The following SCAF11 variants were observed in gnomAD, a reference collection of about 807,000 sequenced individuals.
SCAF11 encodes the protein SR-related CTD associated factor 11.
In SCAF11, 47 loss-of-function variants were observed where a neutral mutation model predicts 140.5. That is an observed-to-expected ratio of 0.33 (90% CI 0.26 to 0.43). The LOEUF (loss-of-function observed/expected upper bound fraction) is 0.43. Among genes scored for constraint, SCAF11 ranks in the 20% least tolerant of loss-of-function variants. The probability of loss-of-function intolerance (pLI) is 1.00; values close to 1 mark genes in which losing one functional copy is unlikely to be tolerated. For missense variants in SCAF11, 1,645 were observed against 1,705.1 expected, an observed-to-expected ratio of 0.96 and a Z score of 0.62; for synonymous variants, 557 against 579.4, an observed-to-expected ratio of 0.96 and a Z score of 0.55.
chr12:45,983,786 A>ACACACAC (rs1555172663), intron 1 of SCAF11, among the ~76,000 whole-genome samples: 4 of 47,354 alleles, frequency 8.4e-5, no homozygotes, highest in Non-Finnish European at 2.0e-4. Flanking sequence ...CACACACACA[A>ACACACAC]AGACTGAACT....
At chr12:45,955,108 ATAATT>A (rs1945653616) in intron 3 of SCAF11, 1 of 152,144 alleles carries the variant, frequency 6.6e-6, no homozygotes, top group Non-Finnish European at 1.5e-5. Context: ...TTACCTAAAG[ATAATT>A]TAGTTAACAC....
At chr12:45,976,424 A>G (rs1356467038) in intron 1 of SCAF11, among the ~76,000 whole-genome samples, 7 of 152,150 alleles carry the variant, frequency 4.6e-5, no homozygotes, top group Admixed American at 3.9e-4. Flanking sequence ...CACCTAATTT[A>G]TAAGTTAAAC....
At chr12:45,926,000 A>G (rs1944847817) in intron 11 of SCAF11, 142 bp downstream of exon 11, 3 of 759,848 alleles carry the variant, frequency 3.9e-6, no homozygotes, top group Non-Finnish European at 6.1e-6. Context: ...TATTTATATA[A>G]TGCTAAGTGA....
intron 8 of SCAF11, 21 bp from the exon 9 acceptor site, chr12:45,933,253 C>G: frequency 6.5e-7 from 1 of 1,535,952 alleles, no homozygotes; most frequent in Non-Finnish European, 8.9e-7. Context: ...AATTTTAGAC[C>G]TTCATCAGAA....
intron 1 of SCAF11, among the ~76,000 whole-genome samples, chr12:45,982,201 A>G (rs1946364579): frequency 6.6e-6 from 1 of 152,214 alleles, no homozygotes; most frequent in South Asian, 2.1e-4. Context: ...GTAACTGGAC[A>G]TGCACAACAG....
intron 2 of SCAF11, among the ~76,000 whole-genome samples, chr12:45,963,356 GAA>G (rs1330505111): frequency 1.3e-5 from 2 of 151,680 alleles, no homozygotes; most frequent in Non-Finnish European, 2.9e-5. Flanking sequence ...CAGAAAATTG[GAA>G]AAGACAGATC....
At chr12:45,958,021 T>C (rs1423746759) in intron 3 of SCAF11, among the ~76,000 whole-genome samples, 1 of 151,778 alleles carries the variant, frequency 6.6e-6, no homozygotes, top group African/African-American at 2.4e-5. Flanking sequence ...CCCCATCAGC[T>C]TCCCAAGTAG....
At chr12:45,968,503 A>G (rs1385537055) in intron 1 of SCAF11, among the ~76,000 whole-genome samples, 1 of 152,182 alleles carries the variant, frequency 6.6e-6, no homozygotes, top group Non-Finnish European at 1.5e-5. Flanking sequence ...TATTTATCAT[A>G]TAAGAAGGTA....
chr12:45,951,797 A>C (rs1385327344), intron 3 of SCAF11, 70 bp from the exon 4 acceptor site: 4 of 982,968 alleles, frequency 4.1e-6, no homozygotes, highest in South Asian at 3.4e-5. Context: ...TACAATTATA[A>C]ATTTTCCATA....
chr12:45,957,530 T>C (rs1293414857), intron 3 of SCAF11, among the ~76,000 whole-genome samples: 1 of 152,178 alleles, frequency 6.6e-6, no homozygotes, highest in Non-Finnish European at 1.5e-5. Flanking sequence ...AGAGAAACCA[T>C]GCCTTTGCCA....
intron 1 of SCAF11, among the ~76,000 whole-genome samples, chr12:45,965,259 T>C (rs151289562): frequency 2.6e-5 from 4 of 152,112 alleles, no homozygotes; most frequent in African/African-American, 9.7e-5. Context: ...AGCAGAGATA[T>C]TTGCATAGCT....
At chr12:45,979,551 G>C (rs1946305582) in intron 1 of SCAF11, among the ~76,000 whole-genome samples, 1 of 152,086 alleles carries the variant, frequency 6.6e-6, no homozygotes, top group Admixed American at 6.5e-5. Context: ...TTGGTTTCTT[G>C]AGAACTGATC....
At chr12:45,941,674 C>T (rs780301281) in intron 6 of SCAF11, among the ~76,000 whole-genome samples, 5 of 152,172 alleles carry the variant, frequency 3.3e-5, no homozygotes, top group Non-Finnish European at 7.4e-5. Context: ...CTGGCAACTC[C>T]TATTTTACCA....
chr12:45,941,132 A>G (rs532036449), intron 6 of SCAF11, among the ~76,000 whole-genome samples: 24 of 152,336 alleles, frequency 1.6e-4, no homozygotes, highest in Admixed American at 1.5e-3. Context: ...AAATAAACAT[A>G]TATCAACACA....
In SCAF11 at chr12:45,957,030, C is replaced by T. The variant is rs145763484; in HGVS notation, c.219+4670G>A. On this transcript the variant is annotated intron_variant, in intron 3 of 14. Coordinates refer to ENST00000369367, the MANE Select transcript of SCAF11 (RefSeq NM_004719.3). ...TTGTGGAGCTAGCAATCACTCCAAC[C>T]CACACTAAGGATGAAGATGGAGAGA... 7.2e-3 allele frequency among the ~76,000 whole-genome samples: 1,094 copies of T among 152,146 alleles called. 10 individuals are homozygous for T. The highest frequency in any genetic ancestry group is 0.025 in the African/African-American group (1,036 of 41,502).
intron 3 of SCAF11, among the ~76,000 whole-genome samples, chr12:45,952,062 C>T (rs1190304724): frequency 6.6e-6 from 1 of 152,038 alleles, no homozygotes; most frequent in Non-Finnish European, 1.5e-5. Context: ...AAACTTGGGC[C>T]ACTCCAAATG....
intron 3 of SCAF11, among the ~76,000 whole-genome samples, chr12:45,957,380 TAAGTC>T (rs1945714991): frequency 6.6e-6 from 1 of 152,184 alleles, no homozygotes; most frequent in South Asian, 2.1e-4. Flanking sequence ...AGTCCAGATA[TAAGTC>T]AAGAACTCAC....
chr12:45,926,125 C>A lies in SCAF11; in HGVS notation c.3559+17G>T. 1 of 1,556,456 alleles carries A rather than the reference C, an allele frequency of 6.4e-7. No homozygotes were observed. Among genetic ancestry groups the A allele is most frequent in the Non-Finnish European group, 8.7e-7 (1 of 1,150,158 alleles). ...TTCAAATAAAACAGTATCAATAAAC[C>A]AACAAGAATACATTACCCTGTCCAG... On this transcript the variant is annotated intron_variant, in intron 11 of 14. Coordinates refer to ENST00000369367, the MANE Select transcript of SCAF11 (RefSeq NM_004719.3).
At chr12:45,982,554 A>C (rs1946371480) in intron 1 of SCAF11, among the ~76,000 whole-genome samples, 1 of 152,072 alleles carries the variant, frequency 6.6e-6, no homozygotes, top group Non-Finnish European at 1.5e-5. Flanking sequence ...AAAATACAAA[A>C]ATTAGCCGGG....
Sources: gnomAD v4.1 joint callset for allele counts (sites outside exome capture counted in the v4.1 genomes callset) on GRCh38, gnomAD v4.1.1 for gene constraint, MANE v1.5 for transcripts, NCBI Gene and HGNC (gene_info 2026-07-23, HGNC 2026-07-21) for gene names.